Variants in CSMD1 observed in about 807,000 individuals in gnomAD.
The protein encoded by CSMD1 is CUB and sushi domain-containing protein 1.
CSMD1 carries 213 observed loss-of-function variants against 417.5 expected under a neutral mutation model. That is an observed-to-expected ratio of 0.51 (90% CI 0.46 to 0.57). The LOEUF is 0.57. Among genes scored for constraint, CSMD1 ranks in the 20% least tolerant of loss-of-function variants. The pLI is 0.00. For missense variants in CSMD1, 6,923 were observed against 4,529.7 expected, an observed-to-expected ratio of 1.53 and a Z score of -15.17; for synonymous variants, 2,862 against 1,736.8, an observed-to-expected ratio of 1.65 and a Z score of -16.11.
chr8:4,508,285 G>A (rs1232760489), intron 2 of CSMD1, among the ~76,000 whole-genome samples: 2 of 151,452 alleles, frequency 1.3e-5, no homozygotes, highest in Admixed American at 1.3e-4. Context: ...TAGATGCATT[G>A]GAGTGATATA....
chr8:4,158,692 T>C (rs1237539641), intron 3 of CSMD1, among the ~76,000 whole-genome samples: 1 of 152,118 alleles, frequency 6.6e-6, no homozygotes, highest in Non-Finnish European at 1.5e-5. Context: ...GGCCAGCAGC[T>C]ATTCCTAAAC....
intron 2 of CSMD1, among the ~76,000 whole-genome samples, chr8:4,462,461 C>G (rs994904681): frequency 2.6e-5 from 4 of 152,088 alleles, no homozygotes; most frequent in African/African-American, 9.7e-5. Flanking sequence ...ATTAAAATCT[C>G]TGCTGGCTTA....
intron 1 of CSMD1, among the ~76,000 whole-genome samples, chr8:4,724,052 G>C (rs530423600): frequency 2.6e-5 from 4 of 152,172 alleles, no homozygotes; most frequent in African/African-American, 9.6e-5. Flanking sequence ...GATTCTTCTA[G>C]TACTGAAAAT....
chr8:4,784,705 G>T lies in CSMD1; in HGVS notation c.86-147147C>A, dbSNP rs1263504667. Among the ~76,000 whole-genome samples the T allele has an allele frequency of 2.0e-5, 3 of 152,210 alleles. No homozygotes were observed. In the East Asian group the frequency reaches 5.8e-4, roughly 29 times the overall value. ...GAAGGACCTAGTGGAAGAGAATGTA[G>T]ATAATGTATTGGAATGTTAATAAGA... On this transcript the variant is annotated intron_variant, in intron 1 of 69. Coordinates refer to ENST00000635120, the MANE Select transcript of CSMD1 (RefSeq NM_033225.6).
intron 3 of CSMD1, among the ~76,000 whole-genome samples, chr8:4,366,762 G>C (rs1042563541): frequency 1.3e-5 from 2 of 151,934 alleles, no homozygotes; most frequent in African/African-American, 4.8e-5. Context: ...CAACGTGCAC[G>C]TTAGTTACAT....
intron 67 of CSMD1, among the ~76,000 whole-genome samples, chr8:2,949,814 C>T (rs1252208450): frequency 6.6e-6 from 1 of 152,134 alleles, no homozygotes; most frequent in Non-Finnish European, 1.5e-5. Flanking sequence ...AAATGGTTAA[C>T]TTGCAAAGAA....
chr8:4,481,772 C>G (rs184368526), intron 2 of CSMD1, among the ~76,000 whole-genome samples: 1 of 152,052 alleles, frequency 6.6e-6, no homozygotes, highest in Non-Finnish European at 1.5e-5. Flanking sequence ...CTAGTATATG[C>G]CAGAGACTAT....
chr8:4,306,278 C>A (rs1798240304), intron 3 of CSMD1, among the ~76,000 whole-genome samples: 1 of 152,174 alleles, frequency 6.6e-6, no homozygotes, highest in Non-Finnish European at 1.5e-5. Context: ...AATGGCCCTT[C>A]CTGAATAGAC....
intron 2 of CSMD1, among the ~76,000 whole-genome samples, chr8:4,601,348 G>C (rs1039847199): frequency 1.3e-5 from 2 of 152,172 alleles, no homozygotes; most frequent in Non-Finnish European, 2.9e-5. Flanking sequence ...AGGTGGAGCT[G>C]TACCAGGGCC....
chr8:3,087,228 G>A lies in CSMD1; in HGVS notation c.7343C>T (p.Ala2448Val). ...ATGCACTTTGCTTCCAACCGCTCCT[G>A]CAGTCCTGTTTAGAATACCCCCATT... is the stretch of plus-strand genomic sequence containing the variant. The part of the protein sequence containing the change: ...LKNGGILNRT[A>V]GAVGSKVHYF... Residue 2448 changes from alanine (A) to valine (V), a missense_variant, in exon 49 of 70, where the codon GCA (alanine) becomes GTA (valine). Physicochemically the swap from Ala to Val is moderately conservative, Grantham distance 64 (BLOSUM62 0). Coordinates refer to ENST00000635120, the MANE Select transcript of CSMD1 (RefSeq NM_033225.6). 6.2e-7 allele frequency: 1 copy of A among 1,613,920 alleles called. No homozygotes were observed. The highest frequency in any genetic ancestry group is 8.5e-7 in the Non-Finnish European group (1 of 1,179,846).
At chr8:4,061,312 T>C (rs1798961798) in intron 3 of CSMD1, among the ~76,000 whole-genome samples, 1 of 152,204 alleles carries the variant, frequency 6.6e-6, no homozygotes, top group South Asian at 2.1e-4. Context: ...CAAGAATTTC[T>C]TTAACAAGGA....
chr8:4,799,523 C>T (rs562796529), intron 1 of CSMD1, among the ~76,000 whole-genome samples: 4 of 135,688 alleles, frequency 2.9e-5, no homozygotes, highest in Admixed American at 1.7e-4. Flanking sequence ...TGCTTGAACC[C>T]AGGAGGCGGA....
chr8:3,426,579 G>A (rs986384091), intron 12 of CSMD1, among the ~76,000 whole-genome samples: 4 of 152,196 alleles, frequency 2.6e-5, no homozygotes, highest in African/African-American at 7.2e-5. Flanking sequence ...AAGATACAAG[G>A]CAATATAATT....
chr8:3,708,318 G>T (rs1801295591), intron 7 of CSMD1, 96 bp downstream of exon 7: 1 of 911,660 alleles, frequency 1.1e-6, no homozygotes, highest in African/African-American at 1.7e-5. Flanking sequence ...AGATAACGTG[G>T]GGAAGGTGGT....
At chr8:3,047,438 G>T (rs1329660541) in intron 50 of CSMD1, among the ~76,000 whole-genome samples, 2 of 152,030 alleles carry the variant, frequency 1.3e-5, no homozygotes, top group African/African-American at 4.8e-5. Flanking sequence ...TCACTTACCA[G>T]TCTCACACCA....
chr8:3,723,812 T>C (rs1162499309), intron 6 of CSMD1, among the ~76,000 whole-genome samples: 1 of 152,208 alleles, frequency 6.6e-6, no homozygotes, highest in African/African-American at 2.4e-5. Flanking sequence ...GACCGCAACT[T>C]ACTGCTACCA....
At chr8:3,242,699 G>A (rs1799619478) in intron 26 of CSMD1, among the ~76,000 whole-genome samples, 1 of 151,942 alleles carries the variant, frequency 6.6e-6, no homozygotes, top group Non-Finnish European at 1.5e-5. Flanking sequence ...GAGGGCGGAA[G>A]GTTGCCCATA....
chr8:3,673,214 A>G (rs28665920), intron 7 of CSMD1, among the ~76,000 whole-genome samples: 8 of 152,162 alleles, frequency 5.3e-5, no homozygotes, highest in Non-Finnish European at 1.0e-4. Context: ...GCCCCTGTGC[A>G]TGAACCACAA....
intron 7 of CSMD1, among the ~76,000 whole-genome samples, chr8:3,659,769 A>G (rs1364508305): frequency 6.6e-6 from 1 of 152,192 alleles, no homozygotes; most frequent in East Asian, 1.9e-4. Flanking sequence ...ACTGGTAAAG[A>G]TCTTGAATTC....
Sources: allele counts gnomAD v4.1 joint callset (sites outside exome capture counted in the v4.1 genomes callset), GRCh38; gene constraint gnomAD v4.1.1; transcripts MANE v1.5; gene names NCBI Gene and HGNC (gene_info 2026-07-23, HGNC 2026-07-21).